PCDHA8: variants seen among roughly 807,000 people sequenced by gnomAD.
The protein encoded by PCDHA8 is protocadherin alpha-8.
A neutral mutation model predicts 61.8 loss-of-function variants in PCDHA8; 53 were observed. The ratio of observed to expected loss-of-function variants is 0.86; its 90% CI spans 0.69 to 1.08. The LOEUF is 1.08. Among genes scored for constraint, PCDHA8 ranks in the 50% least tolerant of loss-of-function variants. The pLI, the probability that PCDHA8 is intolerant of heterozygous loss-of-function variation, is 0.00. For synonymous variants in PCDHA8, 618 were observed against 556.6 expected, an observed-to-expected ratio of 1.11 and a Z score of -1.55; for missense variants, 1,293 against 1,245.0, an observed-to-expected ratio of 1.04 and a Z score of -0.58.
chr5:140,926,917 TTA>T, intron 1 of PCDHA8: 3 of 1,565,668 alleles, frequency 1.9e-6, no homozygotes, highest in South Asian at 1.2e-5. Context: ...GGTGGCAGTT[TTA>T]TGTTTGTGGG....
intron 1 of PCDHA8, among the ~76,000 whole-genome samples, chr5:140,846,989 C>G (rs1449097023): frequency 6.7e-6 from 1 of 149,310 alleles, no homozygotes; most frequent in Non-Finnish European, 1.5e-5. Context: ...AAGTTCCCCC[C>G]GGGAGAATAT....
chr5:140,886,841 A>AG (rs1432829346), intron 1 of PCDHA8, among the ~76,000 whole-genome samples: 1 of 151,546 alleles, frequency 6.6e-6, no homozygotes, highest in Non-Finnish European at 1.5e-5. Flanking sequence ...AAAAAAAAAA[A>AG]AAAAAAGAAA....
At chr5:140,967,128 T>G in intron 1 of PCDHA8, 14 of 1,612,170 alleles carry the variant, frequency 8.7e-6, no homozygotes, top group Non-Finnish European at 1.1e-5. Flanking sequence ...CTGCTCAGCT[T>G]GGAAGTGCTG....
chr5:140,983,022 A>G (rs2097023004), intron 3 of PCDHA8, among the ~76,000 whole-genome samples: 1 of 152,114 alleles, frequency 6.6e-6, no homozygotes, highest in Non-Finnish European at 1.5e-5. Flanking sequence ...GGAAGGAAGG[A>G]AGATGGTTTC....
At chr5:140,880,840 GT>G (rs1554171522) in intron 1 of PCDHA8, among the ~76,000 whole-genome samples, 2 of 152,176 alleles carry the variant, frequency 1.3e-5, no homozygotes, top group Admixed American at 6.5e-5. Flanking sequence ...ATTTTAAATG[GT>G]TGACTATGTA....
intron 1 of PCDHA8, among the ~76,000 whole-genome samples, chr5:140,899,419 A>G (rs1583341890): frequency 6.6e-6 from 1 of 152,318 alleles, no homozygotes; most frequent in Non-Finnish European, 1.5e-5. Flanking sequence ...GAATTTTGTC[A>G]AAGGTCTTTT....
In PCDHA8 at chr5:140,961,268, T is replaced by C. The variant is rs116524101; in HGVS notation, c.2395-17681T>C. Reference sequence around the variant, plus strand: ...TATCCGAAGCTCCAGGAAGCTTCTTTTTACCATGGCTCTGTTTCTTGAGGT... The same window carrying C: ...TATCCGAAGCTCCAGGAAGCTTCTTCTTACCATGGCTCTGTTTCTTGAGGT... On this transcript the variant is annotated intron_variant, in intron 1 of 3. Coordinates refer to ENST00000531613, the MANE Select transcript of PCDHA8 (RefSeq NM_018911.3). Among the ~76,000 whole-genome samples the C allele has an allele frequency of 5.5e-3, 833 of 152,318 alleles. 9 individuals carry two copies. The highest frequency in any genetic ancestry group is 0.019 in the African/African-American group (777 of 41,562).
intron 1 of PCDHA8, among the ~76,000 whole-genome samples, chr5:140,959,036 GTATGT>G (rs2095460948): frequency 6.6e-6 from 1 of 152,032 alleles, no homozygotes; most frequent in African/African-American, 2.4e-5. Flanking sequence ...TCATGGGTAT[GTATGT>G]ATAGGAAAAA....
intron 1 of PCDHA8, among the ~76,000 whole-genome samples, chr5:140,976,335 G>T (rs1554237529): frequency 6.6e-6 from 1 of 152,140 alleles, no homozygotes; most frequent in East Asian, 1.9e-4. Flanking sequence ...TGGATTGCCT[G>T]AGGTCAGGTG....
chr5:140,900,022 T>C (rs1554188836), intron 1 of PCDHA8, among the ~76,000 whole-genome samples: 1 of 152,044 alleles, frequency 6.6e-6, no homozygotes, highest in African/African-American at 2.4e-5. Flanking sequence ...GTTACCCAGT[T>C]TGGCCTTGAA....
intron 1 of PCDHA8, among the ~76,000 whole-genome samples, chr5:140,910,717 T>C (rs1349205242): frequency 1.3e-5 from 2 of 152,142 alleles, no homozygotes; most frequent in African/African-American, 4.8e-5. Flanking sequence ...CATCTTTTAA[T>C]CCATATTTCA....
intron 1 of PCDHA8, chr5:140,877,965 G>A (rs1049843517): frequency 1.8e-5 from 23 of 1,304,904 alleles, no homozygotes; most frequent in Non-Finnish European, 2.2e-5. Context: ...CATCTTTCTT[G>A]GTCATTCTTA....
intron 1 of PCDHA8, among the ~76,000 whole-genome samples, chr5:140,978,737 G>A (rs2096820627): frequency 6.6e-6 from 1 of 152,180 alleles, no homozygotes; most frequent in Admixed American, 6.5e-5. Context: ...GGTCTTCCAG[G>A]GTATCTAATC....
intron 1 of PCDHA8, among the ~76,000 whole-genome samples, chr5:140,946,992 A>G (rs1393633852): frequency 6.6e-6 from 1 of 151,790 alleles, no homozygotes; most frequent in Non-Finnish European, 1.5e-5. Context: ...TGAGTGTTCT[A>G]ACTTCAAAGA....
intron 1 of PCDHA8, among the ~76,000 whole-genome samples, chr5:140,945,084 G>A (rs2093736806): frequency 6.6e-6 from 1 of 151,822 alleles, no homozygotes; most frequent in Admixed American, 6.6e-5. Context: ...AACACTCTTG[G>A]AACTAATAAA....
intron 1 of PCDHA8, among the ~76,000 whole-genome samples, chr5:140,847,068 T>C (rs1780845671): frequency 6.7e-6 from 1 of 149,654 alleles, no homozygotes; most frequent in South Asian, 2.1e-4. Context: ...AGCATCAATA[T>C]GACAAGTAGA....
At chr5:140,959,099 G>T (rs1233693181) in intron 1 of PCDHA8, among the ~76,000 whole-genome samples, 1 of 152,078 alleles carries the variant, frequency 6.6e-6, no homozygotes, top group Non-Finnish European at 1.5e-5. Context: ...CGGACATTCA[G>T]CAGGGGTCCG....
intron 1 of PCDHA8, among the ~76,000 whole-genome samples, chr5:140,977,739 T>C (rs1198089748): frequency 1.3e-5 from 2 of 152,206 alleles, no homozygotes; most frequent in South Asian, 2.1e-4. Context: ...CTGGGTGTTA[T>C]GAAGAAATGT....
intron 1 of PCDHA8, chr5:140,862,565 A>G: frequency 2.1e-6 from 1 of 478,016 alleles, no homozygotes; most frequent in Non-Finnish European, 4.3e-6. Context: ...GTGAACCACA[A>G]TGCCCTGGCG....
Sources: allele counts gnomAD v4.1 joint callset (sites outside exome capture counted in the v4.1 genomes callset), GRCh38; gene constraint gnomAD v4.1.1; transcripts MANE v1.5; gene names NCBI Gene and HGNC (gene_info 2026-07-23, HGNC 2026-07-21).